The following LRRC63 variants were observed in gnomAD, a reference collection of about 807,000 sequenced individuals.
LRRC63 encodes the protein leucine-rich repeat-containing protein 63.
A neutral mutation model predicts 49.5 loss-of-function variants in LRRC63; 40 were observed. That is an observed-to-expected ratio of 0.81 (90% confidence interval 0.63 to 1.05). LRRC63 has a LOEUF of 1.05. LRRC63 is among the 50% of genes least tolerant of loss of function. The probability of loss-of-function intolerance (pLI) is 0.00; values close to 1 mark genes in which losing one functional copy is unlikely to be tolerated. For missense variants in LRRC63, 636 were observed against 663.1 expected (o/e 0.96, Z 0.45); for synonymous variants, 191 against 221.1 (o/e 0.86, Z 1.21).
intron 2 of LRRC63, among the ~76,000 whole-genome samples, chr13:46,219,772 C>T (rs867392555): frequency 3.6e-4 from 55 of 152,270 alleles, no homozygotes; most frequent in African/African-American, 1.3e-3. Context: ...TGGTCACCTT[C>T]GGATGGGGTT....
chr13:46,263,878 C>T (rs1325051601), intron 8 of LRRC63, among the ~76,000 whole-genome samples: 2 of 152,214 alleles, frequency 1.3e-5, no homozygotes, highest in Non-Finnish European at 1.5e-5. Context: ...CCTTTCCTCT[C>T]ACCTGGAACC....
At chr13:46,271,223 C>T (rs958910941) in intron 9 of LRRC63, among the ~76,000 whole-genome samples, 4 of 152,232 alleles carry the variant, frequency 2.6e-5, no homozygotes, top group Non-Finnish European at 5.9e-5. Context: ...CAAGGGCTAA[C>T]TGTACTACAT....
intron 2 of LRRC63, among the ~76,000 whole-genome samples, chr13:46,224,072 C>A (rs2046497170): frequency 6.6e-6 from 1 of 152,160 alleles, no homozygotes; most frequent in Non-Finnish European, 1.5e-5. Flanking sequence ...TATTGAAGCT[C>A]CTATATCTGA....
At chr13:46,242,227 T>C (rs1026851033) in intron 5 of LRRC63, among the ~76,000 whole-genome samples, 2 of 152,006 alleles carry the variant, frequency 1.3e-5, no homozygotes, top group Admixed American at 1.3e-4. Flanking sequence ...GAAAACCAAA[T>C]ATTGTATGTT....
chr13:46,270,340 G>C (rs2138591403), intron 9 of LRRC63: 1 of 865,284 alleles, frequency 1.2e-6, no homozygotes, highest in African/African-American at 1.6e-5. Flanking sequence ...TTAAGTGGGG[G>C]GCACAGTTTC....
At chr13:46,245,328 A>T (rs914218901) in intron 5 of LRRC63, among the ~76,000 whole-genome samples, 2 of 152,184 alleles carry the variant, frequency 1.3e-5, no homozygotes, top group African/African-American at 4.8e-5. Flanking sequence ...GATATAGAAG[A>T]TCTGAAATAA....
chr13:46,217,241 G>A (rs778923142), intron 2 of LRRC63, among the ~76,000 whole-genome samples: 4 of 152,100 alleles, frequency 2.6e-5, no homozygotes, highest in Non-Finnish European at 5.9e-5. Flanking sequence ...TCTGGTCCTG[G>A]GCTTTCTTTG....
intron 7 of LRRC63, among the ~76,000 whole-genome samples, chr13:46,257,500 AG>A (rs2047532350): frequency 6.6e-6 from 1 of 152,208 alleles, no homozygotes; most frequent in Non-Finnish European, 1.5e-5. Context: ...ACATTCCCCC[AG>A]GAGGAGACAG....
At chr13:46,246,695 T>A (rs1456488613) in intron 6 of LRRC63, 70 bp downstream of exon 6, 1 of 699,412 alleles carries the variant, frequency 1.4e-6, no homozygotes, top group African/African-American at 1.9e-5. Context: ...AAAATAGACG[T>A]CTTTTAATAC....
intron 2 of LRRC63, among the ~76,000 whole-genome samples, chr13:46,214,706 C>T (rs1425197419): frequency 6.6e-6 from 1 of 151,688 alleles, no homozygotes; most frequent in African/African-American, 2.4e-5. Flanking sequence ...CATAGGTATA[C>T]ATATGCCATG....
intron 5 of LRRC63, among the ~76,000 whole-genome samples, chr13:46,245,231 T>C (rs1421101894): frequency 6.6e-6 from 1 of 152,270 alleles, no homozygotes; most frequent in African/African-American, 2.4e-5. Flanking sequence ...AAGTGAGAAG[T>C]AGAACAATTC....
intron 5 of LRRC63, among the ~76,000 whole-genome samples, chr13:46,240,091 C>A (rs1415677702): frequency 6.6e-6 from 1 of 150,752 alleles, no homozygotes; most frequent in Non-Finnish European, 1.5e-5. Flanking sequence ...AAAACTGGAA[C>A]AAGTCAAGGA....
intron 4 of LRRC63, among the ~76,000 whole-genome samples, chr13:46,233,077 C>A (rs1225675730): frequency 1.3e-5 from 2 of 152,176 alleles, no homozygotes; most frequent in Admixed American, 6.5e-5. Context: ...TGTAAATTAA[C>A]TTCCGGGTGT....
chr13:46,264,145 G>C lies in LRRC63; in HGVS notation c.1310+2153G>C, dbSNP rs2047651170. On this transcript the variant is annotated intron_variant, in intron 8 of 9. Transcript: ENST00000595396. ...TTCTTCCTAAGCGACTTTTCTTCTT[G>C]ACTGGAAAGACTAAGATTCTCCCAT... 1.3e-5 allele frequency among the ~76,000 whole-genome samples: 2 copies of C among 152,090 alleles called. 1 individual carries two copies. The highest frequency in any genetic ancestry group is 4.1e-4 in the South Asian group (2 of 4,830).
At position 46,251,479 on chromosome 13, in the gene LRRC63, A is replaced by G. The variant is rs184852038; in HGVS notation, c.1226+988A>G. ...GATTTTTCCACAGTACATAAACTGT[A>G]TTTTCCCTGCCCTGACACTATCTGC... is the stretch of plus-strand genomic sequence containing the variant. On this transcript the variant is annotated intron_variant, in intron 7 of 9. Transcript: ENST00000595396. Among the ~76,000 whole-genome samples, 252 of 151,942 alleles carry G rather than the reference A, an allele frequency of 1.7e-3. 2 individuals are homozygous for G. The highest frequency in any genetic ancestry group is 5.6e-3 in the African/African-American group (234 of 41,512).
At chr13:46,275,617 G>A (rs1039341882) in intron 9 of LRRC63, among the ~76,000 whole-genome samples, 5 of 149,684 alleles carry the variant, frequency 3.3e-5, no homozygotes, top group African/African-American at 1.2e-4. Flanking sequence ...TATATGTCTT[G>A]TTTTGAGAAT....
At chr13:46,226,814 A>T (rs995397533) in intron 2 of LRRC63, among the ~76,000 whole-genome samples, 1 of 152,196 alleles carries the variant, frequency 6.6e-6, no homozygotes, top group Admixed American at 6.5e-5. Context: ...TTTTGCCTTA[A>T]TGAATCTATT....
chr13:46,242,528 C>A (rs2047092821), intron 5 of LRRC63, among the ~76,000 whole-genome samples: 1 of 151,864 alleles, frequency 6.6e-6, no homozygotes, highest in African/African-American at 2.4e-5. Flanking sequence ...TGAAATTTTC[C>A]CAAATCTGGA....
At chr13:46,253,215 TA>T (rs915854258) in intron 7 of LRRC63, among the ~76,000 whole-genome samples, 52 of 141,156 alleles carry the variant, frequency 3.7e-4, no homozygotes, top group Middle Eastern at 3.5e-3. Flanking sequence ...AAAGTCAAAG[TA>T]AAAAAAAAAA....
Sources: allele counts gnomAD v4.1 joint callset (sites outside exome capture counted in the v4.1 genomes callset), GRCh38; gene constraint gnomAD v4.1.1; transcripts MANE v1.5; gene names NCBI Gene and HGNC (gene_info 2026-07-23, HGNC 2026-07-21).